Variants in GLCCI1 observed in about 807,000 individuals in gnomAD.
GLCCI1 encodes the protein glucocorticoid-induced transcript 1 protein.
GLCCI1 carries 24 observed loss-of-function variants against 52.2 expected under a neutral mutation model. The observed-to-expected ratio is 0.46, with a 90% confidence interval of 0.33 to 0.65. GLCCI1 has a LOEUF of 0.65. GLCCI1 is among the 30% of genes least tolerant of loss of function. The pLI, the probability that GLCCI1 is intolerant of heterozygous loss-of-function variation, is 0.02. For synonymous variants in GLCCI1, 310 were observed against 276.5 expected, an observed-to-expected ratio of 1.12 and a Z score of -1.20; for missense variants, 704 against 701.5, an observed-to-expected ratio of 1.00 and a Z score of -0.04.
intron 3 of GLCCI1, among the ~76,000 whole-genome samples, chr7:8,024,333 C>A (rs887985450): frequency 1.3e-5 from 2 of 151,574 alleles, no homozygotes; most frequent in Non-Finnish European, 2.9e-5. Context: ...TACATGTATG[C>A]AAAAAAAATC....
At chr7:8,054,039 T>C (rs1782328710) in intron 3 of GLCCI1, among the ~76,000 whole-genome samples, 1 of 152,130 alleles carries the variant, frequency 6.6e-6, no homozygotes, top group Non-Finnish European at 1.5e-5. Flanking sequence ...TTTTAAGATT[T>C]TATGTTTAAA....
chr7:8,062,948 A>T (rs1197588423), intron 5 of GLCCI1, among the ~76,000 whole-genome samples: 6 of 152,134 alleles, frequency 3.9e-5, no homozygotes, highest in Non-Finnish European at 7.3e-5. Flanking sequence ...ATGTGTCTTT[A>T]TGGTAGAGCA....
At chr7:7,971,871 A>G (rs1780360188) in intron 1 of GLCCI1, among the ~76,000 whole-genome samples, 1 of 152,324 alleles carries the variant, frequency 6.6e-6, no homozygotes, top group East Asian at 1.9e-4. Flanking sequence ...TGTGTTGGGA[A>G]TGCAAGGGCT....
chr7:8,067,057 G>C (rs1317615086), intron 5 of GLCCI1, among the ~76,000 whole-genome samples: 8 of 152,182 alleles, frequency 5.3e-5, no homozygotes, highest in Non-Finnish European at 1.2e-4. Context: ...TTATGAATCT[G>C]GGTGCCCCTG....
At chr7:8,082,978 C>G (rs868855273) in intron 6 of GLCCI1, among the ~76,000 whole-genome samples, 32 of 152,138 alleles carry the variant, frequency 2.1e-4, no homozygotes, top group African/African-American at 7.5e-4. Flanking sequence ...AGAGTGGATC[C>G]TTAACTACTG....
At chr7:7,997,419 A>AT (rs1780956763) in intron 1 of GLCCI1, among the ~76,000 whole-genome samples, 1 of 152,140 alleles carries the variant, frequency 6.6e-6, no homozygotes, top group Non-Finnish European at 1.5e-5. Context: ...CCACACCTGT[A>AT]TTTATTTATG....
In GLCCI1 at chr7:8,087,180, C is replaced by T. The variant is rs1783134464; in HGVS notation, c.*642C>T. ...CTTATTTTATGCATTTCCCTTTCCT[C>T]ATTACATTCCACATTCTTAGAATAA... On this transcript the variant is annotated 3_prime_UTR_variant, in exon 8 of 8. Transcript: ENST00000223145. 1 of 152,620 alleles carries T rather than the reference C, an allele frequency of 6.6e-6. No individual in the cohort carries two copies. Among genetic ancestry groups the T allele is most frequent in the Non-Finnish European group, 1.5e-5 (1 of 68,048 alleles). 9.5% of individuals were successfully genotyped at this position (152,620 alleles called of 1,614,324 possible).
chr7:7,970,225 A>G (rs1254872907), intron 1 of GLCCI1, among the ~76,000 whole-genome samples: 1 of 152,312 alleles, frequency 6.6e-6, no homozygotes, highest in East Asian at 1.9e-4. Flanking sequence ...ACGTGCCTGT[A>G]ACTACCGGGA....
chr7:7,969,841 G>A lies in GLCCI1; in HGVS notation c.457+34G>A. The A allele has an allele frequency of 7.2e-7, 1 of 1,382,364 alleles. No individual in the cohort carries two copies. The highest frequency in any genetic ancestry group is 9.4e-7 in the Non-Finnish European group (1 of 1,062,096). 85.6% of individuals were successfully genotyped at this position (1,382,364 alleles called of 1,614,324 possible). On this transcript the variant is annotated intron_variant, in intron 1 of 7. Transcript: ENST00000223145. This position sits in a 1 kb window ranked among gnomAD's most constrained non-coding sequence, Gnocchi z 4.9. ...CCCAACCCTCCCGTCCTCCCGGGCTGCGTCTCCCCGACGGTGCCCTCCGTG... is the reference window on the plus strand; with the variant it reads ...CCCAACCCTCCCGTCCTCCCGGGCTACGTCTCCCCGACGGTGCCCTCCGTG...
In GLCCI1 at chr7:8,086,518, C is replaced by G; in HGVS notation, c.1624C>G (p.Gln542Glu). The G allele has an allele frequency of 1.2e-6, 2 of 1,603,892 alleles. No homozygotes were observed. The highest frequency in any genetic ancestry group is 1.7e-6 in the Non-Finnish European group (2 of 1,176,478). The change falls in exon 8 of 8, where the codon CAG becomes GAG. Residue 542 changes from glutamine (Q) to glutamate (E), a missense_variant. Coordinates refer to ENST00000223145, the MANE Select transcript of GLCCI1 (RefSeq NM_138426.4). This position sits in a 1 kb window ranked among gnomAD's most constrained non-coding sequence, Gnocchi z 4.4. ...ELQGEDHISAQNYVII is the reference protein window; with the variant it reads ...ELQGEDHISAENYVII ...GCAGGGTGAGGACCACATCTCTGCT[C>G]AGAACTATGTGATCATCTAAAAAAG... is the stretch of plus-strand genomic sequence containing the variant.
In GLCCI1 at chr7:7,969,382, G is replaced by C. The variant is rs377326175; in HGVS notation, c.32G>C (p.Ser11Thr). 1 of 1,470,126 alleles carries C rather than the reference G, an allele frequency of 6.8e-7. No individual in the cohort carries two copies. The highest frequency in any genetic ancestry group is 1.5e-5 in the African/African-American group (1 of 68,474). The allele number at this position is 1,470,126 out of a possible 1,614,324, so 91.1% of individuals were successfully genotyped here. A position where few individuals can be genotyped will look rare whatever the true frequency, so the allele number is the denominator to read the frequency against. MSTASSSSSS[S>T]SSQTPHPPSQ... ...ACTGCCTCCTCCTCCTCCTCCTCCA[G>C]TTCCTCTCAGACCCCTCATCCCCCG... Residue 11 changes from serine to threonine, a missense_variant, in exon 1 of 8, where the codon AGT becomes ACT. Ser to Thr is a moderately conservative substitution (Grantham distance 58). Coordinates refer to ENST00000223145, the MANE Select transcript of GLCCI1 (RefSeq NM_138426.4). The surrounding 1 kb of genome is among the most constrained non-coding windows in gnomAD (Gnocchi z 4.9).
intron 3 of GLCCI1, among the ~76,000 whole-genome samples, chr7:8,042,504 G>A (rs2127955062): frequency 6.6e-6 from 1 of 152,302 alleles, no homozygotes; most frequent in African/African-American, 2.4e-5. Context: ...GAAATAGCAA[G>A]AGAACTAGAA....
intron 6 of GLCCI1, among the ~76,000 whole-genome samples, chr7:8,080,977 T>C (rs1439869255): frequency 2.0e-5 from 3 of 152,138 alleles, no homozygotes; most frequent in Admixed American, 6.5e-5. Context: ...GCCCAGCGCT[T>C]ATCCTAATCC....
At chr7:8,024,616 G>C (rs888163798) in intron 3 of GLCCI1, 1 of 152,170 alleles carries the variant, frequency 6.6e-6, no homozygotes, top group Non-Finnish European at 1.5e-5. Context: ...TGTTGTGTTG[G>C]ATTTATAATT....
intron 1 of GLCCI1, chr7:7,982,082 C>A: frequency 2.1e-6 from 1 of 466,786 alleles, no homozygotes; most frequent in South Asian, 1.7e-5. Flanking sequence ...GAACTGAAGT[C>A]GTAGCTGATC....
intron 1 of GLCCI1, among the ~76,000 whole-genome samples, chr7:7,999,103 C>T (rs1375491957): frequency 6.6e-6 from 1 of 151,670 alleles, no homozygotes; most frequent in Non-Finnish European, 1.5e-5. Flanking sequence ...ATTTGAAGAC[C>T]ATAGTTCTGA....
chr7:8,045,497 G>A (rs1221361254), intron 3 of GLCCI1, among the ~76,000 whole-genome samples: 1 of 152,180 alleles, frequency 6.6e-6, no homozygotes, highest in Admixed American at 6.5e-5. Flanking sequence ...ACGGGAAAGA[G>A]AACCAAAAGT....
In GLCCI1 at chr7:8,084,973, G is replaced by A; in HGVS notation, c.1254G>A (p.Glu418=). 6.2e-7 allele frequency: 1 copy of A among 1,614,156 alleles called. No homozygotes were observed. The highest frequency in any genetic ancestry group is 8.5e-7 in the Non-Finnish European group (1 of 1,180,002). Reference sequence around the variant, plus strand: ...ACAACAGCTACATGTTCAAACGGGAGCCCCCAGAGGGATGTGAGCGAGTGA... The same window carrying A: ...ACAACAGCTACATGTTCAAACGGGAACCCCCAGAGGGATGTGAGCGAGTGA... ...KPNNSYMFKR[E]PPEGCERVKV... The change falls in exon 7 of 8, where the codon GAG becomes GAA. Residue 418 remains glutamate, a synonymous_variant. Transcript: ENST00000223145.
intron 6 of GLCCI1, among the ~76,000 whole-genome samples, chr7:8,084,328 A>T (rs2127969833): frequency 6.6e-6 from 1 of 152,326 alleles, no homozygotes; most frequent in African/African-American, 2.4e-5. Flanking sequence ...TTTATTATAA[A>T]CATTTTAAAG....
Sources: gnomAD v4.1 joint callset for allele counts (sites outside exome capture counted in the v4.1 genomes callset) on GRCh38, gnomAD v4.1.1 for gene constraint, Gnocchi (gnomAD v3.1) non-coding constraint, MANE v1.5 for transcripts, NCBI Gene and HGNC (gene_info 2026-07-23, HGNC 2026-07-21) for gene names.